Variants in WDFY4 observed in about 807,000 individuals in gnomAD.
The protein encoded by WDFY4 is WD repeat- and FYVE domain-containing protein 4.
WDFY4 carries 169 observed loss-of-function variants against 351.9 expected under a neutral mutation model. That is an observed-to-expected ratio of 0.48 (90% CI 0.42 to 0.55). WDFY4 has a LOEUF of 0.55. WDFY4 is among the 20% of genes least tolerant of loss of function. The pLI, the probability that WDFY4 is intolerant of heterozygous loss-of-function variation, is 0.00. For synonymous variants in WDFY4, 1,622 were observed against 1,574.6 expected (o/e 1.03, Z -0.71); for missense variants, 3,803 against 3,935.6 (o/e 0.97, Z 0.90).
rs571160553 is a variant in WDFY4 at position 48,727,293 on chromosome 10, C to T, written c.782-177C>T. Among the ~76,000 whole-genome samples, 26 of 152,318 alleles carry T rather than the reference C, an allele frequency of 1.7e-4. No homozygotes were observed. The South Asian group carries it at 2.1e-3, about 12-fold the overall frequency. On this transcript the variant is annotated intron_variant, in intron 6 of 61. Coordinates refer to ENST00000325239, the MANE Select transcript of WDFY4 (RefSeq NM_001394531.1). The stretch of plus-strand genomic sequence containing the variant: ...TGCTGGGCTTGCAGAGTGCAGCTGT[C>T]AGGATGGCACTTTCTCTGGGGTGGT...
At chr10:48,899,524 A>ACT (rs1285245689) in intron 45 of WDFY4, among the ~76,000 whole-genome samples, 1 of 151,312 alleles carries the variant, frequency 6.6e-6, no homozygotes, top group East Asian at 1.9e-4. Context: ...TCTCTCCCTA[A>ACT]CTCTCCCTTC....
At chr10:48,754,673 C>T (rs1482834681) in intron 12 of WDFY4, among the ~76,000 whole-genome samples, 2 of 152,144 alleles carry the variant, frequency 1.3e-5, no homozygotes, top group African/African-American at 4.8e-5. Context: ...TCCCCTCACA[C>T]CCAGGTCATG....
chr10:48,798,262 A>C (rs1206505684), intron 24 of WDFY4, among the ~76,000 whole-genome samples: 2 of 152,228 alleles, frequency 1.3e-5, no homozygotes, highest in Middle Eastern at 3.2e-3. Flanking sequence ...AAACAAAATC[A>C]AAACGCAGAG....
chr10:48,827,994 C>A (rs1375610631), intron 36 of WDFY4, among the ~76,000 whole-genome samples: 3 of 151,562 alleles, frequency 2.0e-5, no homozygotes, highest in South Asian at 4.3e-4. Flanking sequence ...TGAGATGATA[C>A]CCTCCTCAGT....
intron 47 of WDFY4, among the ~76,000 whole-genome samples, chr10:48,925,229 G>T (rs1034194703): frequency 6.6e-6 from 1 of 152,150 alleles, no homozygotes; most frequent in Non-Finnish European, 1.5e-5. Context: ...GTGACCTCCC[G>T]AGTGGCTTCA....
rs550015744 is a variant in WDFY4, at chr10:48,890,190, T to C, written c.7168-389T>C. ...TGTACTGGCTGGTCCCTGGACAAGCTCCCTCTCCTCTGTAACTGAGCGATG... is the reference window on the plus strand; with the variant it reads ...TGTACTGGCTGGTCCCTGGACAAGCCCCCTCTCCTCTGTAACTGAGCGATG... On this transcript the variant is annotated intron_variant, in intron 43 of 61. Coordinates refer to ENST00000325239, the MANE Select transcript of WDFY4 (RefSeq NM_001394531.1). Among the ~76,000 whole-genome samples, 11 of 152,312 alleles carry C rather than the reference T, an allele frequency of 7.2e-5. No homozygotes were observed. The East Asian group carries it at 2.1e-3, about 29-fold the overall frequency.
At chr10:48,888,260 C>G (rs2070547498) in intron 43 of WDFY4, among the ~76,000 whole-genome samples, 1 of 146,498 alleles carries the variant, frequency 6.8e-6, no homozygotes, top group Non-Finnish European at 1.5e-5. Context: ...CTCCCCTCCC[C>G]TCCCCTCCTT....
intron 43 of WDFY4, among the ~76,000 whole-genome samples, chr10:48,880,899 G>T (rs913774228): frequency 2.0e-5 from 3 of 152,118 alleles, no homozygotes; most frequent in African/African-American, 4.8e-5. Flanking sequence ...GGCAGGGCAG[G>T]GTCCCTGGTG....
chr10:48,902,274 C>T (rs1050629611), intron 47 of WDFY4, among the ~76,000 whole-genome samples: 12 of 152,172 alleles, frequency 7.9e-5, no homozygotes, highest in African/African-American at 2.9e-4. Context: ...AGTTGGTGTG[C>T]GAATCAGACA....
chr10:48,799,029 G>A (rs971524022), intron 24 of WDFY4, among the ~76,000 whole-genome samples: 3 of 152,302 alleles, frequency 2.0e-5, no homozygotes, highest in African/African-American at 7.2e-5. Context: ...AACCGCTGCT[G>A]CCCCTTCTGA....
At chr10:48,748,445 G>A (rs748088046) in intron 12 of WDFY4, among the ~76,000 whole-genome samples, 5 of 152,160 alleles carry the variant, frequency 3.3e-5, no homozygotes, top group Non-Finnish European at 7.4e-5. Flanking sequence ...ATTTGTCTGT[G>A]CGTGCGTGTA....
intron 13 of WDFY4, 127 bp downstream of exon 13, chr10:48,760,567 A>C: frequency 3.4e-6 from 3 of 877,492 alleles, no homozygotes; most frequent in East Asian, 2.7e-5. Flanking sequence ...AGAGCTCCCC[A>C]TGGGAAACAC....
At chr10:48,849,718 A>G (rs1239859189) in intron 39 of WDFY4, among the ~76,000 whole-genome samples, 2 of 152,206 alleles carry the variant, frequency 1.3e-5, no homozygotes, top group Non-Finnish European at 2.9e-5. Flanking sequence ...CCCTATTGTT[A>G]ACATCTTATT....
intron 55 of WDFY4, chr10:48,967,002 CAT>C (rs138775795): frequency 0.02 from 5,740 of 289,216 alleles, 118 homozygotes; most frequent in South Asian, 0.079. Context: ...TGCACACACA[CAT>C]GTACACACAC....
chr10:48,706,079 C>A (rs2063618751), intron 1 of WDFY4, among the ~76,000 whole-genome samples: 2 of 152,114 alleles, frequency 1.3e-5, no homozygotes, highest in Non-Finnish European at 2.9e-5. Flanking sequence ...CTGGGGAAAT[C>A]CTAGTAGAAA....
intron 1 of WDFY4, among the ~76,000 whole-genome samples, chr10:48,700,128 C>T (rs558788069): frequency 2.6e-5 from 4 of 152,298 alleles, no homozygotes; most frequent in South Asian, 4.1e-4. Context: ...GTTCACCTCC[C>T]AGCACCACCC....
intron 43 of WDFY4, among the ~76,000 whole-genome samples, chr10:48,890,204 A>G (rs1423654710): frequency 6.6e-6 from 1 of 152,192 alleles, no homozygotes; most frequent in Non-Finnish European, 1.5e-5. Context: ...TCTCCTCTGT[A>G]ACTGAGCGAT....
chr10:48,958,587 C>T (rs1213079594), intron 52 of WDFY4, among the ~76,000 whole-genome samples: 1 of 152,138 alleles, frequency 6.6e-6, no homozygotes, highest in Admixed American at 6.5e-5. Flanking sequence ...TATTGAGCAC[C>T]TACTGTATAT....
At chr10:48,799,547 G>A (rs1381853433) in intron 24 of WDFY4, among the ~76,000 whole-genome samples, 1 of 152,162 alleles carries the variant, frequency 6.6e-6, no homozygotes, top group Non-Finnish European at 1.5e-5. Flanking sequence ...GGCCGAGGCG[G>A]GTGGATCGTG....
Sources: allele counts gnomAD v4.1 joint callset (sites outside exome capture counted in the v4.1 genomes callset), GRCh38; gene constraint gnomAD v4.1.1; transcripts MANE v1.5; gene names NCBI Gene and HGNC (gene_info 2026-07-23, HGNC 2026-07-21).